IRAK1BP1: variants seen among roughly 807,000 people sequenced by gnomAD.
IRAK1BP1 encodes the protein interleukin 1 receptor associated kinase 1 binding protein 1.
IRAK1BP1 carries 24 observed loss-of-function variants against 28.0 expected under a neutral mutation model. The observed-to-expected ratio is 0.86, with a 90% CI of 0.62 to 1.20. IRAK1BP1 has a LOEUF of 1.20. Ranked by LOEUF, IRAK1BP1 falls within the 50% of genes most tolerant of loss-of-function variation. The probability of loss-of-function intolerance (pLI) is 0.00; values close to 1 mark genes in which losing one functional copy is unlikely to be tolerated. For missense variants in IRAK1BP1, 336 were observed against 316.7 expected, an observed-to-expected ratio of 1.06 and a Z score of -0.46; for synonymous variants, 131 against 116.3, an observed-to-expected ratio of 1.13 and a Z score of -0.81.
At chr6:78,875,519 A>G (rs1418797481) in intron 1 of IRAK1BP1, among the ~76,000 whole-genome samples, 1 of 152,180 alleles carries the variant, frequency 6.6e-6, no homozygotes, top group African/African-American at 2.4e-5. Context: ...AGAAAATGTG[A>G]TGCTTATACA....
downstream of IRAK1BP1, among the ~76,000 whole-genome samples, chr6:78,950,926 G>A (rs1418170085): frequency 6.6e-6 from 1 of 152,044 alleles, no homozygotes; most frequent in Non-Finnish European, 1.5e-5. Context: ...TGAGGAGTGA[G>A]CTTCGATTAT....
At chr6:78,947,320 C>T (rs1392372530), downstream of IRAK1BP1, among the ~76,000 whole-genome samples, 2 of 152,118 alleles carry the variant, frequency 1.3e-5, no homozygotes, top group Non-Finnish European at 2.9e-5. Context: ...CGCAAAAATG[C>T]TCCACAAGGC....
At chr6:78,965,850 C>T in the IRAK1BP1 span, 1 of 1,180,132 alleles carries the variant, frequency 8.5e-7, no homozygotes, top group Non-Finnish European at 1.2e-6. Context: ...ATAATTGCTT[C>T]TGTGTTTAAA....
At chr6:78,871,928 A>C (rs1243025488) in intron 1 of IRAK1BP1, 2 of 514,426 alleles carry the variant, frequency 3.9e-6, no homozygotes, top group Admixed American at 3.9e-5. Flanking sequence ...AACATTTGTA[A>C]ATTCTTTGCC....
At chr6:78,945,620 T>C (rs1773770795) in exon 5 of IRAK1BP1, 3 of 671,654 alleles carry the variant, frequency 4.5e-6, no homozygotes, top group African/African-American at 1.8e-5. Flanking sequence ...TAAAGCTTTC[T>C]TAGGAAAGCT....
intron 4 of IRAK1BP1, among the ~76,000 whole-genome samples, chr6:78,933,433 T>C (rs1290479078): frequency 7.0e-6 from 1 of 142,106 alleles, no homozygotes. Context: ...CTGGCCACCA[T>C]GGTGAACCCC....
In IRAK1BP1 at chr6:78,901,808, A is replaced by G. The variant is rs965816094; in HGVS notation, c.*3474A>G. ...TTGACGGTCAATTTGAGTTCAGTGT[A>G]AACAAATAGGACTTAGAAAAATAAT... On this transcript the variant is annotated 3_prime_UTR_variant, in exon 4 of 4. Transcript: ENST00000369940. The G allele has an allele frequency of 3.3e-5, 5 of 152,180 alleles. No individual in the cohort carries two copies. The highest frequency in any genetic ancestry group is 2.6e-4 in the Admixed American group (4 of 15,276). The allele number at this position is 152,180 out of a possible 1,614,324, so 9.4% of individuals were successfully genotyped here. A position where few individuals can be genotyped will look rare whatever the true frequency, so the allele number is the denominator to read the frequency against.
At chr6:78,921,096 T>C (rs1772711917) in intron 4 of IRAK1BP1, among the ~76,000 whole-genome samples, 1 of 152,150 alleles carries the variant, frequency 6.6e-6, no homozygotes, top group Non-Finnish European at 1.5e-5. Context: ...GAGGGTGCAG[T>C]GCACTGAACA....
At chr6:78,970,004 A>G in the IRAK1BP1 span, 41 of 1,604,566 alleles carry the variant, frequency 2.6e-5, no homozygotes, top group Middle Eastern at 6.7e-4. Context: ...TTGAAAAACA[A>G]TCTACAATAC....
At chr6:78,880,689 A>G (rs1462358488) in intron 1 of IRAK1BP1, among the ~76,000 whole-genome samples, 1 of 152,236 alleles carries the variant, frequency 6.6e-6, no homozygotes, top group East Asian at 1.9e-4. Context: ...TTCAGCAGTA[A>G]CAAACAGCTC....
chr6:78,932,608 G>A (rs1419964877), intron 4 of IRAK1BP1, among the ~76,000 whole-genome samples: 7 of 151,654 alleles, frequency 4.6e-5, no homozygotes, highest in Non-Finnish European at 8.8e-5. Context: ...TAGTAGAGAC[G>A]GGGTTTCACC....
the IRAK1BP1 span, among the ~76,000 whole-genome samples, chr6:78,967,919 G>A: frequency 1.8e-4 from 28 of 152,078 alleles, 1 homozygote; most frequent in East Asian, 5.4e-3. Context: ...CGGATCACAA[G>A]GTCAGGAGAT....
At chr6:78,958,559 T>A in the IRAK1BP1 span, 1 of 1,583,600 alleles carries the variant, frequency 6.3e-7, no homozygotes, top group South Asian at 1.1e-5. Context: ...TCGTGTATTA[T>A]GCTCTATATA....
intron 4 of IRAK1BP1, among the ~76,000 whole-genome samples, chr6:78,931,866 C>G (rs573985413): frequency 6.6e-6 from 1 of 152,260 alleles, no homozygotes; most frequent in South Asian, 2.1e-4. Context: ...TTGGACTCTT[C>G]CTTTCGCAAA....
intron 4 of IRAK1BP1, among the ~76,000 whole-genome samples, chr6:78,925,294 C>T (rs1175636058): frequency 1.3e-5 from 2 of 151,914 alleles, no homozygotes; most frequent in African/African-American, 2.4e-5. Context: ...ACATTGTGGA[C>T]ATGTACCCTA....
At chr6:78,965,908 G>A in the IRAK1BP1 span, 1 of 1,463,366 alleles carries the variant, frequency 6.8e-7, no homozygotes, top group Non-Finnish European at 9.6e-7. Context: ...TTCAAAGCAA[G>A]CCTAGGTGAA....
intron 4 of IRAK1BP1, among the ~76,000 whole-genome samples, chr6:78,916,063 AGCTCAAGG>A (rs1318740393): frequency 1.3e-5 from 2 of 152,226 alleles, no homozygotes; most frequent in African/African-American, 4.8e-5. Context: ...CGGAGCAAGC[AGCTCAAGG>A]GCCCAGTTAC....
At chr6:78,936,148 ATT>A (rs1221517732) in intron 4 of IRAK1BP1, 1 of 151,986 alleles carries the variant, frequency 6.6e-6, no homozygotes, top group Non-Finnish European at 1.5e-5. Flanking sequence ...TAAATAATTA[ATT>A]TGTTTTAAAA....
the IRAK1BP1 span, chr6:78,969,802 CA>C: frequency 9.5e-7 from 1 of 1,052,682 alleles, no homozygotes; most frequent in Non-Finnish European, 1.4e-6. Flanking sequence ...AAAACCACAT[CA>C]AACATCGATA....
Sources: gnomAD v4.1 joint callset for allele counts (sites outside exome capture counted in the v4.1 genomes callset) on GRCh38, gnomAD v4.1.1 for gene constraint, MANE v1.5 for transcripts, NCBI Gene and HGNC (gene_info 2026-07-23, HGNC 2026-07-21) for gene names.